Variants in CDH13 observed in about 807,000 individuals in gnomAD.
CDH13 encodes the protein cadherin 13.
CDH13 carries 24 observed loss-of-function variants against 63.8 expected under a neutral mutation model. The observed-to-expected ratio is 0.38, with a 90% CI of 0.27 to 0.53. CDH13 has a LOEUF of 0.53. Ranked by LOEUF, CDH13 falls within the 20% of genes least tolerant of loss-of-function variation. CDH13 has a pLI of 0.85. For missense variants in CDH13, 1,049 were observed against 903.1 expected, an observed-to-expected ratio of 1.16 and a Z score of -2.07; for synonymous variants, 503 against 355.3, an observed-to-expected ratio of 1.42 and a Z score of -4.67.
chr16:83,743,748 C>CTTTTTTCTTTTTTTTTTT (rs1912281994), intron 10 of CDH13, among the ~76,000 whole-genome samples: 5 of 76,258 alleles, frequency 6.6e-5, no homozygotes, highest in African/African-American at 2.8e-4. Flanking sequence ...TTTCTTTTTT[C>CTTTTTTCTTTTTTTTTTT]TTTTTTTTTT....
At chr16:83,730,601 G>C (rs960089375) in intron 10 of CDH13, among the ~76,000 whole-genome samples, 1 of 152,094 alleles carries the variant, frequency 6.6e-6, no homozygotes, top group African/African-American at 2.4e-5. Flanking sequence ...AATTGAACTG[G>C]GTACAAAGGA....
intron 4 of CDH13, chr16:83,180,848 A>C: frequency 6.7e-7 from 1 of 1,484,102 alleles, no homozygotes; most frequent in Non-Finnish European, 9.1e-7. Flanking sequence ...TTACAACAAA[A>C]TGTGTTTTTT....
At chr16:83,007,075 C>T (rs1597395710) in intron 2 of CDH13, among the ~76,000 whole-genome samples, 2 of 152,190 alleles carry the variant, frequency 1.3e-5, no homozygotes, top group South Asian at 4.2e-4. Context: ...AGGCATGCAC[C>T]ACGCCCAGCT....
chr16:83,715,219 G>T (rs182768483), intron 10 of CDH13, among the ~76,000 whole-genome samples: 1 of 152,124 alleles, frequency 6.6e-6, no homozygotes, highest in Non-Finnish European at 1.5e-5. Context: ...GGCTATTCCC[G>T]TACATAGTGC....
chr16:83,371,953 A>T (rs993291648), intron 6 of CDH13, among the ~76,000 whole-genome samples: 3 of 152,350 alleles, frequency 2.0e-5, no homozygotes, highest in Admixed American at 1.3e-4. Context: ...CCCGGACCGT[A>T]TATACAGATA....
intron 8 of CDH13, among the ~76,000 whole-genome samples, chr16:83,647,358 AC>A (rs1911927575): frequency 6.6e-6 from 1 of 151,000 alleles, no homozygotes; most frequent in Admixed American, 6.6e-5. Flanking sequence ...CTCTTACCCT[AC>A]CTGTAGGAAG....
intron 3 of CDH13, among the ~76,000 whole-genome samples, chr16:83,064,473 G>A (rs1487738264): frequency 6.6e-6 from 1 of 152,072 alleles, no homozygotes; most frequent in Non-Finnish European, 1.5e-5. Context: ...AAATGTAAAT[G>A]TTCTGCTAGC....
At chr16:83,633,259 G>A (rs1226341569) in intron 8 of CDH13, among the ~76,000 whole-genome samples, 1 of 152,152 alleles carries the variant, frequency 6.6e-6, no homozygotes, top group Non-Finnish European at 1.5e-5. Context: ...AGATGGAGTT[G>A]CTCTGGTTCA....
At chr16:83,458,664 G>A (rs754674723) in intron 6 of CDH13, among the ~76,000 whole-genome samples, 1 of 152,028 alleles carries the variant, frequency 6.6e-6, no homozygotes. Flanking sequence ...CCATCTTCCT[G>A]TTGTTTTGCA....
At chr16:82,770,829 T>A (rs528900270) in intron 1 of CDH13, among the ~76,000 whole-genome samples, 6 of 152,236 alleles carry the variant, frequency 3.9e-5, no homozygotes, top group Non-Finnish European at 7.4e-5. Flanking sequence ...TGCCTCAGCC[T>A]CCCGAGTAGC....
intron 7 of CDH13, among the ~76,000 whole-genome samples, chr16:83,561,495 T>C (rs1379614997): frequency 6.6e-6 from 1 of 151,270 alleles, no homozygotes; most frequent in African/African-American, 2.4e-5. Context: ...CCTCCTCTTC[T>C]GCAAGGGGTC....
intron 2 of CDH13, among the ~76,000 whole-genome samples, chr16:82,992,909 G>C (rs1814873040): frequency 6.6e-6 from 1 of 152,156 alleles, no homozygotes; most frequent in African/African-American, 2.4e-5. Flanking sequence ...CTAGAGAAGG[G>C]CTCAGGCTTG....
chr16:82,923,573 G>A (rs2042219951), intron 2 of CDH13, among the ~76,000 whole-genome samples: 1 of 152,126 alleles, frequency 6.6e-6, no homozygotes, highest in Admixed American at 6.5e-5. Context: ...ACAAACCATA[G>A]TTTCATTTAC....
chr16:82,761,802 G>A lies in CDH13; in HGVS notation c.46-96560G>A, dbSNP rs538212121. Among the ~76,000 whole-genome samples, 9 of 152,226 alleles carry A rather than the reference G, an allele frequency of 5.9e-5. 1 individual carries two copies. In the East Asian group the frequency reaches 1.5e-3, roughly 26 times the overall value. ...GATTCAAAGCTGTGAGATTTGAAGT[G>A]ATGTCTAAAAGATTTTTTTATCATG... On this transcript the variant is annotated intron_variant, in intron 1 of 13. Transcript: ENST00000567109.
intron 10 of CDH13, among the ~76,000 whole-genome samples, chr16:83,684,791 A>G (rs1904288235): frequency 6.6e-6 from 1 of 152,216 alleles, no homozygotes; most frequent in Non-Finnish European, 1.5e-5. Context: ...CCCTGCGAGT[A>G]TATGTCAAGC....
intron 9 of CDH13, among the ~76,000 whole-genome samples, chr16:83,674,066 C>T (rs1914747094): frequency 6.6e-6 from 1 of 152,218 alleles, no homozygotes; most frequent in South Asian, 2.1e-4. Context: ...AGAACACCTT[C>T]TAGAAGCCAG....
At chr16:82,703,206 TACAC>T (rs34528218) in intron 1 of CDH13, among the ~76,000 whole-genome samples, 175 of 149,492 alleles carry the variant, frequency 1.2e-3, no homozygotes, top group Non-Finnish European at 1.6e-3. Context: ...GGATGTATAC[TACAC>T]ACACACACAC....
chr16:82,661,747 C>T (rs769699978), intron 1 of CDH13, among the ~76,000 whole-genome samples: 14 of 152,106 alleles, frequency 9.2e-5, no homozygotes, highest in Non-Finnish European at 1.8e-4. Context: ...GCAGAGAACA[C>T]GGAGTATTGG....
At chr16:83,546,874 C>A (rs1245207356) in intron 7 of CDH13, among the ~76,000 whole-genome samples, 1 of 152,224 alleles carries the variant, frequency 6.6e-6, no homozygotes, top group Non-Finnish European at 1.5e-5. Context: ...GTGCCAGTCT[C>A]TTTGCATCTG....
Sources: gnomAD v4.1 joint callset for allele counts (sites outside exome capture counted in the v4.1 genomes callset) on GRCh38, gnomAD v4.1.1 for gene constraint, MANE v1.5 for transcripts, NCBI Gene and HGNC (gene_info 2026-07-23, HGNC 2026-07-21) for gene names.